SLC27A6: variants seen among roughly 807,000 people sequenced by gnomAD.
The protein encoded by SLC27A6 is solute carrier family 27 member 6.
A neutral mutation model predicts 63.9 loss-of-function variants in SLC27A6; 74 were observed. The ratio of observed to expected loss-of-function variants is 1.16; its 90% CI spans 0.96 to 1.40. The LOEUF is 1.40. SLC27A6 is among the 40% of genes most tolerant of loss of function. SLC27A6 has a pLI of 0.00. For synonymous variants in SLC27A6, 287 were observed against 260.8 expected (o/e 1.10, Z -0.97); for missense variants, 794 against 732.9 (o/e 1.08, Z -0.96).
At chr5:129,002,024 A>T (rs983230723) in intron 4 of SLC27A6, among the ~76,000 whole-genome samples, 2 of 152,220 alleles carry the variant, frequency 1.3e-5, no homozygotes, top group African/African-American at 4.8e-5. Context: ...GTTTTGGTTC[A>T]AGTTGATGTG....
intron 7 of SLC27A6, among the ~76,000 whole-genome samples, chr5:129,028,136 A>G (rs1752304102): frequency 6.6e-6 from 1 of 152,126 alleles, no homozygotes; most frequent in South Asian, 2.1e-4. Context: ...ACAATGAGAT[A>G]TAAAGTAATT....
chr5:129,015,856 A>T (rs756155130), intron 4 of SLC27A6, 29 bp from the exon 5 acceptor site: 3 of 1,488,730 alleles, frequency 2.0e-6, no homozygotes, highest in East Asian at 4.6e-5. Flanking sequence ...ACTGGAACTA[A>T]TTACAAGTAA....
At chr5:128,995,349 A>G (rs547173028) in intron 4 of SLC27A6, among the ~76,000 whole-genome samples, 1 of 152,296 alleles carries the variant, frequency 6.6e-6, no homozygotes, top group South Asian at 2.1e-4. Context: ...TTCAAGTAAT[A>G]TTGTAGGATT....
At chr5:128,982,179 T>G (rs1163211545) in intron 1 of SLC27A6, among the ~76,000 whole-genome samples, 2 of 152,138 alleles carry the variant, frequency 1.3e-5, no homozygotes, top group Non-Finnish European at 2.9e-5. Flanking sequence ...TGACTCTTCT[T>G]TATCCCCTAC....
chr5:129,024,167 T>A (rs1752163990), intron 6 of SLC27A6, among the ~76,000 whole-genome samples: 1 of 152,096 alleles, frequency 6.6e-6, no homozygotes, highest in African/African-American at 2.4e-5. Context: ...AATTTTACTA[T>A]TAAATGTTAA....
Position 129,028,450 on chromosome 5 carries a change from T to C in SLC27A6, c.1552+8T>C. The C allele has an allele frequency of 6.6e-7, 1 of 1,516,438 alleles. No individual in the cohort carries two copies. Among genetic ancestry groups the C allele is most frequent in the Non-Finnish European group, 9.1e-7 (1 of 1,100,612 alleles). The allele number at this position is 1,516,438 out of a possible 1,614,324, so 93.9% of individuals were successfully genotyped here. On this transcript the variant is annotated splice_region_variant and intron_variant, in intron 8 of 9. Coordinates refer to ENST00000262462, the MANE Select transcript of SLC27A6 (RefSeq NM_001017372.3). The stretch of plus-strand genomic sequence containing the variant: ...ATGGTGTGGCTATATCAGGTATAAA[T>C]ATATTTCAGATTTTGGAAAGATTCT...
chr5:129,024,263 T>G (rs1752165879), intron 6 of SLC27A6, among the ~76,000 whole-genome samples: 1 of 152,130 alleles, frequency 6.6e-6, no homozygotes, highest in Non-Finnish European at 1.5e-5. Context: ...AATCCACCAC[T>G]TGTAGTATGA....
chr5:128,991,867 C>T (rs917168091), intron 4 of SLC27A6, among the ~76,000 whole-genome samples: 1 of 151,870 alleles, frequency 6.6e-6, no homozygotes, highest in Non-Finnish European at 1.5e-5. Context: ...TTTATTGGTT[C>T]ATTTGTTTTT....
At chr5:128,970,096 G>A (rs1454250210) in intron 1 of SLC27A6, among the ~76,000 whole-genome samples, 2 of 147,894 alleles carry the variant, frequency 1.4e-5, no homozygotes, top group African/African-American at 4.9e-5. Flanking sequence ...AACAAGCCTT[G>A]CATCCCAGGG....
rs180825627 is a variant in SLC27A6, at chr5:128,979,854, C to T, written c.482-5279C>T. 6.8e-4 allele frequency among the ~76,000 whole-genome samples: 104 copies of T among 152,212 alleles called. 1 individual carries two copies. The highest frequency in any genetic ancestry group is 4.1e-4 in the Non-Finnish European group (28 of 68,016). ...TATATTCAGGGCAGTTAAATCATGT[C>T]AGGAAAAAATATGTTATTGCAATAG... On this transcript the variant is annotated intron_variant, in intron 1 of 9. Transcript: ENST00000262462.
chr5:129,002,164 A>G (rs563153000), intron 4 of SLC27A6, among the ~76,000 whole-genome samples: 4 of 152,342 alleles, frequency 2.6e-5, no homozygotes, highest in African/African-American at 9.6e-5. Flanking sequence ...GTTCTCTTAA[A>G]TTTTAAAAGG....
intron 1 of SLC27A6, among the ~76,000 whole-genome samples, chr5:128,972,808 T>C (rs542156262): frequency 6.6e-6 from 1 of 152,348 alleles, no homozygotes; most frequent in African/African-American, 2.4e-5. Context: ...TTTTGTTCCA[T>C]TGCTGGCAAG....
intron 4 of SLC27A6, among the ~76,000 whole-genome samples, chr5:128,991,755 T>A (rs2150137309): frequency 6.6e-6 from 1 of 151,972 alleles, no homozygotes; most frequent in African/African-American, 2.4e-5. Context: ...TGATTTGCAC[T>A]TGTCTCCTTA....
intron 4 of SLC27A6, among the ~76,000 whole-genome samples, chr5:128,994,965 G>A (rs1159980733): frequency 2.0e-5 from 3 of 152,202 alleles, no homozygotes; most frequent in East Asian, 1.9e-4. Flanking sequence ...GCTGGCAGCA[G>A]CATTGTTTTC....
chr5:128,993,573 G>C (rs1020968829), intron 4 of SLC27A6, among the ~76,000 whole-genome samples: 11 of 151,742 alleles, frequency 7.2e-5, no homozygotes, highest in Non-Finnish European at 1.3e-4. Context: ...TTATTTGTCT[G>C]GTACATAATG....
rs1751404762 is a variant in SLC27A6 at position 129,003,234 on chromosome 5, TAA to T, written c.970-12650_970-12649del. Among the ~76,000 whole-genome samples the T allele has an allele frequency of 2.0e-5, 3 of 152,270 alleles. No individual in the cohort carries two copies. The South Asian group carries it at 6.2e-4, about 31-fold the overall frequency. ...TTCTCTCTGTCTCTGTGAATTTGTC[TAA>T]GTTTTAAAATCAAAGTTCTGTGAAA... On this transcript the variant is annotated intron_variant, in intron 4 of 9. Coordinates refer to ENST00000262462, the MANE Select transcript of SLC27A6 (RefSeq NM_001017372.3).
rs561322150 is a variant in SLC27A6, at chr5:129,015,607, C to T, written c.970-278C>T. ...TTTCTTCCTGAAAAATGCTTTCTTCCTTACCTGACATTTACCCAAAAAAAA... is the reference window on the plus strand; with the variant it reads ...TTTCTTCCTGAAAAATGCTTTCTTCTTTACCTGACATTTACCCAAAAAAAA... On this transcript the variant is annotated intron_variant, in intron 4 of 9. Coordinates refer to ENST00000262462, the MANE Select transcript of SLC27A6 (RefSeq NM_001017372.3). 3.9e-5 allele frequency among the ~76,000 whole-genome samples: 6 copies of T among 152,008 alleles called. No individual in the cohort carries two copies. The South Asian group carries it at 1.0e-3, about 26-fold the overall frequency.
At chr5:128,985,442 A>G (rs559535619) in intron 2 of SLC27A6, 106 bp downstream of exon 2, 3 of 831,738 alleles carry the variant, frequency 3.6e-6, no homozygotes, top group South Asian at 1.6e-5. Flanking sequence ...CTGAGAATGC[A>G]TGCTTGCAAG....
At chr5:128,972,150 T>G (rs1476605282) in intron 1 of SLC27A6, among the ~76,000 whole-genome samples, 2 of 152,206 alleles carry the variant, frequency 1.3e-5, no homozygotes, top group Non-Finnish European at 2.9e-5. Flanking sequence ...TCTGATGGGC[T>G]TCCCTTTGTG....
Sources: gnomAD v4.1 joint callset for allele counts (sites outside exome capture counted in the v4.1 genomes callset) on GRCh38, gnomAD v4.1.1 for gene constraint, MANE v1.5 for transcripts, NCBI Gene and HGNC (gene_info 2026-07-23, HGNC 2026-07-21) for gene names.